Variants in CNTNAP3B observed in about 807,000 individuals in gnomAD.
The protein encoded by CNTNAP3B is contactin-associated protein-like 3B.
Under a neutral mutation model 108.9 loss-of-function variants are expected in CNTNAP3B, and 25 were observed. That is an observed-to-expected ratio of 0.23 (90% CI 0.17 to 0.32). CNTNAP3B has a LOEUF of 0.32. CNTNAP3B is among the 10% of genes least tolerant of loss of function. CNTNAP3B has a pLI of 1.00. For missense variants in CNTNAP3B, 252 were observed against 1,210.4 expected (o/e 0.21, Z 11.75); for synonymous variants, 103 against 473.4 (o/e 0.22, Z 10.16).
chr9:42,049,548 G>T (rs921797286), intron 3 of CNTNAP3B, among the ~76,000 whole-genome samples: 2 of 134,692 alleles, frequency 1.5e-5, no homozygotes, highest in Non-Finnish European at 3.1e-5. Flanking sequence ...CCAGCTGTGC[G>T]GGTGGGGTCC....
chr9:42,001,077 TA>T (rs1186041139), intron 4 of CNTNAP3B, among the ~76,000 whole-genome samples: 1 of 27,158 alleles, frequency 3.7e-5, no homozygotes, highest in Non-Finnish European at 6.8e-5. Context: ...GAAGTAATGC[TA>T]AAAGGTAAAC....
chr9:42,075,219 C>T (rs1202206581), intron 3 of CNTNAP3B, among the ~76,000 whole-genome samples: 1 of 146,548 alleles, frequency 6.8e-6, no homozygotes, highest in African/African-American at 2.6e-5. Context: ...GGTCAACCCT[C>T]CTGACTACAT....
intron 2 of CNTNAP3B, among the ~76,000 whole-genome samples, chr9:42,079,083 C>T: frequency 6.7e-6 from 1 of 148,380 alleles, no homozygotes; most frequent in East Asian, 2.0e-4. Flanking sequence ...ACGCATCTAG[C>T]AAGGGGCCCA....
At chr9:41,982,755 A>G in intron 9 of CNTNAP3B, among the ~76,000 whole-genome samples, 1 of 149,560 alleles carries the variant, frequency 6.7e-6, no homozygotes. Flanking sequence ...AGACACACAG[A>G]CGTGCATGTT....
intron 8 of CNTNAP3B, among the ~76,000 whole-genome samples, chr9:41,990,772 C>A (rs199834686): frequency 0.012 from 1,310 of 105,522 alleles, no homozygotes; most frequent in African/African-American, 0.023. Context: ...CAAAATCCAG[C>A]AGCTCTGTAG....
chr9:42,082,719 G>A (rs1041186830), intron 2 of CNTNAP3B, among the ~76,000 whole-genome samples: 2 of 123,838 alleles, frequency 1.6e-5, no homozygotes, highest in Non-Finnish European at 3.3e-5. Flanking sequence ...ATCTCAGAGT[G>A]TATATAACAA....
chr9:41,925,152 C>A (rs1408071399), intron 15 of CNTNAP3B, among the ~76,000 whole-genome samples: 2 of 150,872 alleles, frequency 1.3e-5, no homozygotes, highest in Admixed American at 6.6e-5. Context: ...AGAAACACAA[C>A]TTTACCCAGT....
At chr9:41,968,003 G>C (rs1279540950) in intron 10 of CNTNAP3B, among the ~76,000 whole-genome samples, 1 of 152,268 alleles carries the variant, frequency 6.6e-6, no homozygotes, top group East Asian at 1.9e-4. Context: ...TAGAGACCAA[G>C]TTAGGCACCA....
At chr9:42,035,840 G>T (rs1417873696) in intron 3 of CNTNAP3B, among the ~76,000 whole-genome samples, 2 of 146,174 alleles carry the variant, frequency 1.4e-5, no homozygotes, top group Admixed American at 6.8e-5. Context: ...ATTTTTTGTT[G>T]TTGTTCTTGA....
At chr9:42,079,009 A>G (rs1487169412) in intron 2 of CNTNAP3B, among the ~76,000 whole-genome samples, 1 of 149,968 alleles carries the variant, frequency 6.7e-6, no homozygotes, top group Non-Finnish European at 1.5e-5. Context: ...TTCCTAACAT[A>G]CCTTTAAAAG....
In CNTNAP3B at chr9:41,958,872, A is replaced by T. The variant is rs1824963302; in HGVS notation, c.1876+1901T>A. ...AAGCATGAGGAGATTTTTCTCCAAC[A>T]TTCACTGTGAGAACCCAGTCAAGCT... On this transcript the variant is annotated intron_variant, in intron 12 of 23. Transcript: ENST00000377561. Among the ~76,000 whole-genome samples, 4 of 140,348 alleles carry T rather than the reference A, an allele frequency of 2.9e-5. No homozygotes were observed. The South Asian group carries it at 6.7e-4, about 24-fold the overall frequency. The allele number at this position is 140,348 out of a possible 152,430, so 92.1% of individuals were successfully genotyped here. A position where few individuals can be genotyped will look rare whatever the true frequency, so the allele number is the denominator to read the frequency against.
At chr9:42,109,639 C>A (rs1338170030) in intron 1 of CNTNAP3B, among the ~76,000 whole-genome samples, 1 of 142,296 alleles carries the variant, frequency 7.0e-6, no homozygotes, top group Admixed American at 7.0e-5. Flanking sequence ...TATTAAAAGA[C>A]CAAACCACAC....
chr9:42,041,726 T>C (rs1826761495), intron 3 of CNTNAP3B, among the ~76,000 whole-genome samples: 2 of 138,996 alleles, frequency 1.4e-5, no homozygotes, highest in African/African-American at 2.8e-5. Flanking sequence ...GACCCAGTCA[T>C]CCCATTACTG....
At chr9:41,973,135 G>A (rs148188809) in intron 9 of CNTNAP3B, among the ~76,000 whole-genome samples, 31,214 of 136,392 alleles carry the variant, frequency 0.23, 2,968 homozygotes, top group South Asian at 0.34. Flanking sequence ...TTTCAGTAGA[G>A]ACGGGGTTTC....
intron 3 of CNTNAP3B, among the ~76,000 whole-genome samples, chr9:42,030,792 CGAGAGAGAGA>C (rs752901003): frequency 9.1e-4 from 38 of 41,922 alleles, no homozygotes; most frequent in East Asian, 3.3e-3. Context: ...GAGATGTGTG[CGAGAGAGAGA>C]GAGAGAGAGA....
chr9:41,925,955 C>T (rs1420902431), intron 15 of CNTNAP3B, among the ~76,000 whole-genome samples: 2 of 152,260 alleles, frequency 1.3e-5, no homozygotes, highest in African/African-American at 4.8e-5. Flanking sequence ...AGGCTATTTA[C>T]TAGGGTGTCA....
intron 15 of CNTNAP3B, among the ~76,000 whole-genome samples, chr9:41,925,368 C>T (rs1452443583): frequency 2.7e-4 from 41 of 152,146 alleles, no homozygotes; most frequent in African/African-American, 8.9e-4. Flanking sequence ...CCAAGGCGGA[C>T]GGATCATGAG....
chr9:41,947,885 C>T (rs1824570656), intron 13 of CNTNAP3B, among the ~76,000 whole-genome samples: 1 of 152,148 alleles, frequency 6.6e-6, no homozygotes, highest in African/African-American at 2.4e-5. Flanking sequence ...GAAAATACTA[C>T]AAATAATTCT....
intron 13 of CNTNAP3B, among the ~76,000 whole-genome samples, chr9:41,939,940 T>G (rs1428369189): frequency 8.6e-5 from 13 of 151,934 alleles, no homozygotes; most frequent in African/African-American, 2.9e-4. Context: ...AAGAGGAAGC[T>G]TAGGACCCCA....
Sources: allele counts gnomAD v4.1 joint callset (sites outside exome capture counted in the v4.1 genomes callset), GRCh38; gene constraint gnomAD v4.1.1; transcripts MANE v1.5; gene names NCBI Gene and HGNC (gene_info 2026-07-23, HGNC 2026-07-21).